Variants in GRIK1 observed in about 807,000 individuals in gnomAD.
GRIK1 encodes glutamate ionotropic receptor kainate type subunit 1.
GRIK1 carries 69 observed loss-of-function variants against 105.7 expected under a neutral mutation model. The observed-to-expected ratio is 0.65, with a 90% CI of 0.54 to 0.80. The LOEUF is 0.80. Among genes scored for constraint, GRIK1 ranks in the 30% least tolerant of loss-of-function variants. The probability of loss-of-function intolerance (pLI) is 0.00; values close to 1 mark genes in which losing one functional copy is unlikely to be tolerated. For synonymous variants in GRIK1, 438 were observed against 431.3 expected (o/e 1.02, Z -0.19); for missense variants, 1,109 against 1,167.3 (o/e 0.95, Z 0.73).
intron 1 of GRIK1, among the ~76,000 whole-genome samples, chr21:29,811,394 A>G (rs991191786): frequency 6.6e-6 from 1 of 152,106 alleles, no homozygotes. Flanking sequence ...TCACATTTTC[A>G]TTATATTGTG....
intron 3 of GRIK1, among the ~76,000 whole-genome samples, chr21:29,675,575 A>G (rs916276725): frequency 3.9e-5 from 6 of 151,996 alleles, no homozygotes; most frequent in Non-Finnish European, 7.4e-5. Context: ...CACTTCTTTC[A>G]TTTATTTTTA....
intron 9 of GRIK1, among the ~76,000 whole-genome samples, chr21:29,594,703 C>T (rs1045686203): frequency 6.6e-6 from 1 of 152,140 alleles, no homozygotes; most frequent in Non-Finnish European, 1.5e-5. Flanking sequence ...CAGAGAGCCA[C>T]TAGTATCTAT....
At chr21:29,597,238 GAA>G (rs1218811666) in intron 8 of GRIK1, among the ~76,000 whole-genome samples, 1 of 152,156 alleles carries the variant, frequency 6.6e-6, no homozygotes, top group Non-Finnish European at 1.5e-5. Context: ...CCTGAAGAAA[GAA>G]AAGTTATTGC....
At chr21:29,862,410 GA>G (rs1409401529) in intron 1 of GRIK1, among the ~76,000 whole-genome samples, 2 of 152,060 alleles carry the variant, frequency 1.3e-5, no homozygotes, top group African/African-American at 4.8e-5. Flanking sequence ...ACTTTTTAAA[GA>G]AATTAAATTT....
chr21:29,856,201 G>T (rs1477566638), intron 1 of GRIK1, among the ~76,000 whole-genome samples: 1 of 152,108 alleles, frequency 6.6e-6, no homozygotes, highest in Non-Finnish European at 1.5e-5. Flanking sequence ...CGGGAGATAA[G>T]CAGAGGACCC....
At position 29,728,538 on chromosome 21, in the gene GRIK1, C is replaced by T. The variant is rs567380315; in HGVS notation, c.119-34475G>A. Among the ~76,000 whole-genome samples the T allele has an allele frequency of 2.3e-4, 35 of 152,236 alleles. No individual in the cohort carries two copies. The South Asian group carries it at 5.2e-3, about 23-fold the overall frequency. On this transcript the variant is annotated intron_variant, in intron 1 of 17. Coordinates refer to ENST00000327783, the MANE Select transcript of GRIK1 (RefSeq NM_001330994.2). ...ATGAGGATGTGAGAGTTAGCACTGT[C>T]GATCATATTTCACTGCTATAAATCA...
chr21:29,888,861 A>G (rs1206036664), intron 1 of GRIK1, among the ~76,000 whole-genome samples: 2 of 152,116 alleles, frequency 1.3e-5, no homozygotes, highest in African/African-American at 2.4e-5. Context: ...CCTCCCCACT[A>G]TCTTTTGAAG....
At chr21:29,938,386 G>A (rs1440686757) in intron 1 of GRIK1, among the ~76,000 whole-genome samples, 1 of 152,248 alleles carries the variant, frequency 6.6e-6, no homozygotes, top group Admixed American at 6.5e-5. Flanking sequence ...AGCCCGATGG[G>A]TTGGGAAAGG....
chr21:29,724,618 A>G (rs889448115), intron 1 of GRIK1, among the ~76,000 whole-genome samples: 3 of 152,234 alleles, frequency 2.0e-5, no homozygotes, highest in Admixed American at 6.5e-5. Flanking sequence ...TAAAGAATAC[A>G]TTAAATTTTC....
At chr21:29,620,788 T>TAG (rs2061971195) in intron 7 of GRIK1, among the ~76,000 whole-genome samples, 1 of 111,346 alleles carries the variant, frequency 9.0e-6, no homozygotes, top group Admixed American at 9.1e-5. Context: ...TATAGATATA[T>TAG]ATATCTATAT....
intron 7 of GRIK1, chr21:29,630,457 AG>A: frequency 2.1e-6 from 1 of 465,130 alleles, no homozygotes; most frequent in Non-Finnish European, 4.4e-6. Context: ...ATTATCCTGC[AG>A]GGGAGGGCTG....
At chr21:29,681,745 A>T (rs550587269) in intron 3 of GRIK1, among the ~76,000 whole-genome samples, 28 of 152,318 alleles carry the variant, frequency 1.8e-4, no homozygotes, top group South Asian at 1.7e-3. Context: ...CCTTGAAGTC[A>T]GTGGGTTCTA....
At chr21:29,873,859 G>A (rs2069102447) in intron 1 of GRIK1, among the ~76,000 whole-genome samples, 1 of 152,148 alleles carries the variant, frequency 6.6e-6, no homozygotes, top group African/African-American at 2.4e-5. Flanking sequence ...GACTAGTTTC[G>A]TGGAAGACAA....
At chr21:29,656,092 G>T (rs1042935308) in intron 4 of GRIK1, among the ~76,000 whole-genome samples, 1 of 151,354 alleles carries the variant, frequency 6.6e-6, no homozygotes, top group Non-Finnish European at 1.5e-5. Context: ...GGCCGGGTGC[G>T]GTGGCTCACG....
At chr21:29,658,482 A>G (rs1486377782) in intron 4 of GRIK1, among the ~76,000 whole-genome samples, 1 of 152,158 alleles carries the variant, frequency 6.6e-6, no homozygotes, top group African/African-American at 2.4e-5. Flanking sequence ...ACGCTGGTTC[A>G]AACTCCTGAC....
At chr21:29,695,873 T>C (rs1387256463) in intron 1 of GRIK1, among the ~76,000 whole-genome samples, 2 of 152,162 alleles carry the variant, frequency 1.3e-5, no homozygotes, top group Admixed American at 6.5e-5. Flanking sequence ...GATTTACAAG[T>C]GCTCTCAGTT....
At chr21:29,730,691 C>T (rs2064595840) in intron 1 of GRIK1, among the ~76,000 whole-genome samples, 1 of 152,030 alleles carries the variant, frequency 6.6e-6, no homozygotes, top group Non-Finnish European at 1.5e-5. Flanking sequence ...ATTGATATTT[C>T]CTGGGTTTGT....
At chr21:29,655,883 T>C (rs1456786790) in intron 4 of GRIK1, among the ~76,000 whole-genome samples, 1 of 152,174 alleles carries the variant, frequency 6.6e-6, no homozygotes, top group African/African-American at 2.4e-5. Context: ...ACAGGGGTTC[T>C]ACGTTCATTG....
In GRIK1 at chr21:29,654,837, C is replaced by T; in HGVS notation, c.753G>A (p.Glu251=). The part of the protein sequence containing the change: ...KQILFMGMMT[E]YYHYFFTTLD... ...GGGTTGTGAAAAAGTAGTGATAGTA[C>T]TCGGTCATCATGCCCATGAACAGAA... Residue 251 remains glutamate (E), a synonymous_variant, in exon 5 of 18, where the codon GAG becomes GAA. Coordinates refer to ENST00000327783, the MANE Select transcript of GRIK1 (RefSeq NM_001330994.2). The T allele has an allele frequency of 6.3e-7, 1 of 1,588,368 alleles. No homozygotes were observed. The highest frequency in any genetic ancestry group is 8.6e-7 in the Non-Finnish European group (1 of 1,156,502).
Sources: gnomAD v4.1 joint callset for allele counts (sites outside exome capture counted in the v4.1 genomes callset) on GRCh38, gnomAD v4.1.1 for gene constraint, MANE v1.5 for transcripts, NCBI Gene and HGNC (gene_info 2026-07-23, HGNC 2026-07-21) for gene names.